Variants in BPIFB1 observed in about 807,000 individuals in gnomAD.
BPIFB1 encodes BPI fold-containing family B member 1.
BPIFB1 carries 34 observed loss-of-function variants against 55.1 expected under a neutral mutation model. The ratio of observed to expected loss-of-function variants is 0.62; its 90% CI spans 0.47 to 0.82. The LOEUF (loss-of-function observed/expected upper bound fraction) is 0.82, where lower values mean the gene tolerates loss of function less well. BPIFB1 is among the 40% of genes least tolerant of loss of function. The pLI, the probability that BPIFB1 is intolerant of heterozygous loss-of-function variation, is 0.00. For synonymous variants in BPIFB1, 236 were observed against 245.3 expected, an observed-to-expected ratio of 0.96 and a Z score of 0.35; for missense variants, 532 against 593.1, an observed-to-expected ratio of 0.90 and a Z score of 1.07.
At chr20:33,292,872 T>C (rs1980518497) in intron 6 of BPIFB1, among the ~76,000 whole-genome samples, 1 of 152,266 alleles carries the variant, frequency 6.6e-6, no homozygotes. Flanking sequence ...CAAAACACCT[T>C]GTCAAATAGC....
intron 8 of BPIFB1, among the ~76,000 whole-genome samples, 182 bp from the exon 9 acceptor site, chr20:33,301,051 A>G (rs1980830735): frequency 6.6e-6 from 1 of 152,224 alleles, no homozygotes; most frequent in Admixed American, 6.5e-5. Context: ...AATAAAAGTC[A>G]GAGATTATCC....
intron 6 of BPIFB1, among the ~76,000 whole-genome samples, chr20:33,294,324 A>G (rs1980564940): frequency 6.6e-6 from 1 of 152,186 alleles, no homozygotes; most frequent in Admixed American, 6.5e-5. Flanking sequence ...GAAGGGAGGG[A>G]ACCAATATAA....
chr20:33,301,898 C>T (rs759864624), intron 9 of BPIFB1, among the ~76,000 whole-genome samples: 1 of 152,160 alleles, frequency 6.6e-6, no homozygotes, highest in Non-Finnish European at 1.5e-5. Context: ...GTTGTGCCAC[C>T]TCCTCCCGGG....
At chr20:33,301,698 A>C (rs1022157730) in intron 9 of BPIFB1, among the ~76,000 whole-genome samples, 2 of 152,242 alleles carry the variant, frequency 1.3e-5, no homozygotes, top group Non-Finnish European at 2.9e-5. Flanking sequence ...GCAGTAGTCC[A>C]GGGGTGATAA....
chr20:33,300,106 C>A (rs1600667689), intron 8 of BPIFB1, 122 bp downstream of exon 8: 4 of 833,680 alleles, frequency 4.8e-6, no homozygotes, highest in African/African-American at 1.7e-5. Context: ...AGGACACGGG[C>A]TGATCTAGAA....
intron 1 of BPIFB1, among the ~76,000 whole-genome samples, chr20:33,284,917 G>T (rs1163271520): frequency 6.6e-6 from 1 of 151,838 alleles, no homozygotes; most frequent in African/African-American, 2.4e-5. Flanking sequence ...TTCTTTTCCT[G>T]GCTCCAAGAA....
Position 33,309,774 on chromosome 20 carries a change from G to A in BPIFB1, c.*7G>A. ...CTCTCCTGTCTCCCAGTGAAGACTT[G>A]GATGGCAGCCATCAGGGAAGGCTGG... is the stretch of plus-strand genomic sequence containing the variant. On this transcript the variant is annotated 3_prime_UTR_variant, in exon 16 of 16. Transcript: ENST00000253354. This position sits in a 1 kb window ranked among gnomAD's most constrained non-coding sequence, Gnocchi z 4.4. 3 of 1,613,630 alleles carry A rather than the reference G, an allele frequency of 1.9e-6. No homozygotes were observed. Among genetic ancestry groups the A allele is most frequent in the Non-Finnish European group, 2.5e-6 (3 of 1,179,526 alleles).
intron 2 of BPIFB1, among the ~76,000 whole-genome samples, chr20:33,287,368 C>G (rs1980303658): frequency 6.6e-6 from 1 of 152,208 alleles, no homozygotes; most frequent in Non-Finnish European, 1.5e-5. Flanking sequence ...TCCTGCCTAG[C>G]AACTGCATCT....
intron 6 of BPIFB1, among the ~76,000 whole-genome samples, chr20:33,292,994 T>C (rs1980522737): frequency 6.6e-6 from 1 of 152,260 alleles, no homozygotes; most frequent in South Asian, 2.1e-4. Flanking sequence ...CAATCTCAGC[T>C]CACTGCAACC....
chr20:33,299,280 G>T (rs1232970815), intron 7 of BPIFB1: 2 of 416,776 alleles, frequency 4.8e-6, no homozygotes, highest in South Asian at 1.6e-5. Flanking sequence ...GCCATACACC[G>T]GGGCAGGTGA....
chr20:33,288,363 C>T (rs183814696), intron 2 of BPIFB1, among the ~76,000 whole-genome samples: 1 of 152,326 alleles, frequency 6.6e-6, no homozygotes, highest in Non-Finnish European at 1.5e-5. Flanking sequence ...GGCAGCAAAA[C>T]AGCCCCAAAC....
chr20:33,301,182 G>A (rs776206469), intron 8 of BPIFB1, 51 bp from the exon 9 acceptor site: 1 of 1,556,696 alleles, frequency 6.4e-7, no homozygotes, highest in South Asian at 1.2e-5. Flanking sequence ...TTGCTATTGG[G>A]TAAGCTGCAG....
At chr20:33,284,458 G>C (rs958645611) in intron 1 of BPIFB1, among the ~76,000 whole-genome samples, 1 of 152,100 alleles carries the variant, frequency 6.6e-6, no homozygotes, top group African/African-American at 2.4e-5. Context: ...TGGATGCCAG[G>C]GACACAGCAG....
At position 33,303,027 on chromosome 20, in the gene BPIFB1, G is replaced by T. The variant is rs762860656; in HGVS notation, c.1093G>T (p.Val365Leu). 1 of 1,614,180 alleles carries T rather than the reference G, an allele frequency of 6.2e-7. No homozygotes were observed. The highest frequency in any genetic ancestry group is 1.1e-5 in the South Asian group (1 of 91,080). Residue 365 changes from valine to leucine, a missense_variant, in exon 11 of 16, where the codon GTG becomes TTG. Coordinates refer to ENST00000253354, the MANE Select transcript of BPIFB1 (RefSeq NM_033197.3). ...GGTGGCCCAACTGATCGTGCTGGAA[G>T]TGTTTCCCTCCAGTGAAGCCCTCCG... ...AKVAQLIVLEVFPSSEALRPL... is the reference protein window; with the variant it reads ...AKVAQLIVLELFPSSEALRPL...
intron 6 of BPIFB1, among the ~76,000 whole-genome samples, chr20:33,295,862 G>A (rs1180518142): frequency 1.4e-5 from 2 of 140,214 alleles, no homozygotes; most frequent in African/African-American, 5.4e-5. Context: ...AGGAAAGAAG[G>A]AAGGAAGGGG....
At chr20:33,304,701 T>C in intron 12 of BPIFB1, 145 bp from the exon 13 acceptor site, 1 of 750,448 alleles carries the variant, frequency 1.3e-6, no homozygotes, top group Non-Finnish European at 2.2e-6. Flanking sequence ...GAATGCAAGC[T>C]CCACGACGCA....
chr20:33,287,944 A>G (rs941994298), intron 2 of BPIFB1, among the ~76,000 whole-genome samples: 4 of 152,230 alleles, frequency 2.6e-5, no homozygotes, highest in Non-Finnish European at 5.9e-5. Flanking sequence ...GCCAAATGGC[A>G]AAAAAGAAAT....
chr20:33,299,296 C>A, intron 7 of BPIFB1: 1 of 403,724 alleles, frequency 2.5e-6, no homozygotes, highest in Non-Finnish European at 5.1e-6. Context: ...GGTGACACAC[C>A]ACCGCCACCT....
chr20:33,301,560 CAT>C (rs1980853128), intron 9 of BPIFB1, 148 bp downstream of exon 9: 1 of 716,068 alleles, frequency 1.4e-6, no homozygotes, highest in Non-Finnish European at 2.2e-6. Context: ...CTGCCTCTGA[CAT>C]AGCTCTAAAC....
Sources: gnomAD v4.1 joint callset for allele counts (sites outside exome capture counted in the v4.1 genomes callset) on GRCh38, gnomAD v4.1.1 for gene constraint, Gnocchi (gnomAD v3.1) non-coding constraint, MANE v1.5 for transcripts, NCBI Gene and HGNC (gene_info 2026-07-23, HGNC 2026-07-21) for gene names.